Variants in ADD3 observed in about 807,000 individuals in gnomAD.
ADD3 encodes adducin 3, also known as gamma-adducin.
A neutral mutation model predicts 80.2 loss-of-function variants in ADD3; 25 were observed. The ratio of observed to expected loss-of-function variants is 0.31; its 90% CI spans 0.23 to 0.44. The LOEUF (loss-of-function observed/expected upper bound fraction) is 0.44. Ranked by LOEUF, ADD3 falls within the 20% of genes least tolerant of loss-of-function variation. The pLI, the probability that ADD3 is intolerant of heterozygous loss-of-function variation, is 1.00. For synonymous variants in ADD3, 284 were observed against 289.6 expected, an observed-to-expected ratio of 0.98 and a Z score of 0.20; for missense variants, 829 against 847.5, an observed-to-expected ratio of 0.98 and a Z score of 0.27.
intron 1 of ADD3, among the ~76,000 whole-genome samples, chr10:110,041,663 A>G (rs911901915): frequency 6.6e-6 from 1 of 152,180 alleles, no homozygotes; most frequent in African/African-American, 2.4e-5. Context: ...TCTCTGTCAT[A>G]CAAGAAATGC....
At chr10:110,079,974 T>C (rs760356965) in intron 1 of ADD3, among the ~76,000 whole-genome samples, 3 of 152,198 alleles carry the variant, frequency 2.0e-5, no homozygotes, top group Non-Finnish European at 4.4e-5. Flanking sequence ...CAGACGTACT[T>C]ATGCTATCAG....
chr10:110,057,724 C>T lies in ADD3; in HGVS notation c.-29-42901C>T, dbSNP rs1038842748. On this transcript the variant is annotated intron_variant, in intron 1 of 14. Transcript: ENST00000356080. Reference sequence around the variant, plus strand: ...AGGAAGCTTGTTCTCCACTGAGACCCCAGCATGTAAAATGGTAAACAGTAG... The same window carrying T: ...AGGAAGCTTGTTCTCCACTGAGACCTCAGCATGTAAAATGGTAAACAGTAG... Among the ~76,000 whole-genome samples the T allele has an allele frequency of 2.0e-5, 3 of 152,034 alleles. No homozygotes were observed. In the South Asian group the frequency reaches 6.2e-4, roughly 32 times the overall value.
rs552088373 is a variant in ADD3, at chr10:110,040,666, A to G, written c.-30+32367A>G. 2.0e-5 allele frequency among the ~76,000 whole-genome samples: 3 copies of G among 152,332 alleles called. No homozygotes were observed. The South Asian group carries it at 6.2e-4, about 32-fold the overall frequency. On this transcript the variant is annotated intron_variant, in intron 1 of 14. Transcript: ENST00000356080. ...TGATGTGGTCAGATTTGTGTTTTAA[A>G]AATCTTCCTTTGGCAACAGTATTGA...
At chr10:110,060,678 T>C (rs1376631305) in intron 1 of ADD3, among the ~76,000 whole-genome samples, 2 of 152,238 alleles carry the variant, frequency 1.3e-5, no homozygotes, top group Admixed American at 6.5e-5. Flanking sequence ...TTTTGCACTC[T>C]GTCTGAGCCT....
At position 110,067,175 on chromosome 10, in the gene ADD3, T is replaced by C. The variant is rs1417768497; in HGVS notation, c.-29-33450T>C. ...CAGTAGATTTGATTAATAAATCATC[T>C]ATAAAAAACCTGAAATATTTTTCAA... On this transcript the variant is annotated intron_variant, in intron 1 of 14. Transcript: ENST00000356080. Among the ~76,000 whole-genome samples the C allele has an allele frequency of 2.0e-5, 3 of 152,366 alleles. No individual in the cohort carries two copies. In the East Asian group the frequency reaches 5.8e-4, roughly 29 times the overall value.
chr10:110,103,723 G>C (rs1849097202), intron 2 of ADD3, among the ~76,000 whole-genome samples: 1 of 152,136 alleles, frequency 6.6e-6, no homozygotes, highest in Admixed American at 6.5e-5. Context: ...TTTAGAGACA[G>C]GGTCTTACTG....
At chr10:110,130,564 C>T in intron 13 of ADD3, 78 bp downstream of exon 13, 1 of 1,505,970 alleles carries the variant, frequency 6.6e-7, no homozygotes, top group Non-Finnish European at 9.1e-7. Context: ...TGATAGAAAG[C>T]AGTCAGTGTG....
chr10:110,116,720 G>A (rs1004170194), intron 4 of ADD3, among the ~76,000 whole-genome samples: 2 of 152,174 alleles, frequency 1.3e-5, no homozygotes, highest in African/African-American at 4.8e-5. Context: ...AGCATCAGTG[G>A]CTTTAAAAAG....
upstream of ADD3, among the ~76,000 whole-genome samples, chr10:110,002,137 C>A (rs534681334): frequency 6.6e-6 from 1 of 152,116 alleles, no homozygotes; most frequent in South Asian, 2.1e-4. Context: ...ACTAAAACTA[C>A]AAAAATTAGC....
intron 1 of ADD3, among the ~76,000 whole-genome samples, chr10:110,077,874 T>A (rs1564936217): frequency 6.6e-6 from 1 of 152,184 alleles, no homozygotes. Context: ...AATTATTCAC[T>A]GACTGAAGTG....
In ADD3 at chr10:110,065,539, CT is replaced by C. The variant is rs1217733559; in HGVS notation, c.-29-35068del. Among the ~76,000 whole-genome samples, 84 of 31,188 alleles carry C rather than the reference CT, an allele frequency of 2.7e-3. 3 individuals are homozygous for C. The highest frequency in any genetic ancestry group is 0.021 in the Middle Eastern group (1 of 48). The allele number at this position is 31,188 out of a possible 152,430, so 20.5% of individuals were successfully genotyped here. A position where few individuals can be genotyped will look rare whatever the true frequency, so the allele number is the denominator to read the frequency against. ...TTTTTTCTTAGCCTCTCTCTCTCCC[CT>C]TTTTTTTTTTTTTTTTTGAGAAAGA... On this transcript the variant is annotated intron_variant, in intron 1 of 14. Transcript: ENST00000356080.
At chr10:110,112,976 C>CA in intron 3 of ADD3, 61 bp downstream of exon 3, 2 of 1,538,968 alleles carry the variant, frequency 1.3e-6, no homozygotes, top group Non-Finnish European at 1.8e-6. Context: ...GACCACTATA[C>CA]ATCTCTAGCA....
chr10:110,078,574 TTCGTGGACCTGGCTAC>T, intron 1 of ADD3, among the ~76,000 whole-genome samples: 1 of 152,326 alleles, frequency 6.6e-6, no homozygotes, highest in Middle Eastern at 3.4e-3. Context: ...CACAAGTGTT[TTCGTGGACCTGGCTAC>T]TCGTGGACAT....
At chr10:110,117,663 G>C (rs556887772) in intron 5 of ADD3, among the ~76,000 whole-genome samples, 1 of 131,894 alleles carries the variant, frequency 7.6e-6, no homozygotes, top group Non-Finnish European at 1.5e-5. Flanking sequence ...AGGGAATCGT[G>C]ATTTTTTTTT....
rs1158263370 is a variant in ADD3, at chr10:110,132,385, C to A, written c.1813C>A (p.Pro605Thr). Residue 605 changes from proline to threonine, a missense_variant, in exon 14 of 15, where the codon CCT becomes ACT. Physicochemically the swap from Pro to Thr is conservative, Grantham distance 38 (BLOSUM62 -1). Transcript: ENST00000356080. ...QSQTQSPQNV[P>T]EKLEENHELF... is the part of the protein sequence containing the mutation. ...TCAAACTCAGTCACCGCAAAATGTC[C>A]CTGAAAAATTAGAAGGTACTCAATG... 61 of 1,611,708 alleles carry A rather than the reference C, an allele frequency of 3.8e-5. No homozygotes were observed. The highest frequency in any genetic ancestry group is 4.9e-5 in the Non-Finnish European group (58 of 1,178,048).
At chr10:110,010,961 G>T (rs192667459) in intron 1 of ADD3, among the ~76,000 whole-genome samples, 7 of 152,136 alleles carry the variant, frequency 4.6e-5, no homozygotes, top group African/African-American at 1.7e-4. Context: ...TGGTTAATCC[G>T]CATTAAATAC....
intron 9 of ADD3, among the ~76,000 whole-genome samples, chr10:110,123,004 A>G (rs1311065902): frequency 2.6e-5 from 4 of 152,028 alleles, no homozygotes; most frequent in Non-Finnish European, 5.9e-5. Flanking sequence ...GGTTTATTTT[A>G]TTTAATACAA....
intron 12 of ADD3, among the ~76,000 whole-genome samples, chr10:110,129,963 G>T (rs896667736): frequency 6.6e-6 from 1 of 151,980 alleles, no homozygotes; most frequent in Non-Finnish European, 1.5e-5. Context: ...GCTTATTTTC[G>T]TAACAGATTT....
chr10:110,092,942 C>T (rs964232507), intron 1 of ADD3, among the ~76,000 whole-genome samples: 1 of 152,100 alleles, frequency 6.6e-6, no homozygotes, highest in African/African-American at 2.4e-5. Context: ...TTATTGCAAC[C>T]TCCACCTCCT....
Sources: allele counts gnomAD v4.1 joint callset (sites outside exome capture counted in the v4.1 genomes callset), GRCh38; gene constraint gnomAD v4.1.1; transcripts MANE v1.5; gene names NCBI Gene and HGNC (gene_info 2026-07-23, HGNC 2026-07-21).